The following MTUS2 variants were observed in gnomAD, a reference collection of about 807,000 sequenced individuals.
MTUS2 encodes the protein microtubule associated scaffold protein 2, also known as microtubule-associated tumor suppressor candidate 2.
In MTUS2, 40 loss-of-function variants were observed where a neutral mutation model predicts 114.1. The observed-to-expected ratio is 0.35, with a 90% CI of 0.27 to 0.46. The LOEUF is 0.46. Among genes scored for constraint, MTUS2 ranks in the 20% least tolerant of loss-of-function variants. The probability of loss-of-function intolerance (pLI) is 1.00; values close to 1 mark genes in which losing one functional copy is unlikely to be tolerated. For missense variants in MTUS2, 1,679 were observed against 1,705.4 expected, an observed-to-expected ratio of 0.98 and a Z score of 0.27; for synonymous variants, 688 against 672.0, an observed-to-expected ratio of 1.02 and a Z score of -0.37.
At chr13:29,170,347 G>A (rs188131581) in intron 5 of MTUS2, among the ~76,000 whole-genome samples, 1 of 152,258 alleles carries the variant, frequency 6.6e-6, no homozygotes, top group Admixed American at 6.5e-5. Context: ...ATGAGAACTA[G>A]CAACCTGAAA....
chr13:29,360,757 A>G (rs899557488), intron 8 of MTUS2, among the ~76,000 whole-genome samples: 3 of 134,354 alleles, frequency 2.2e-5, no homozygotes, highest in African/African-American at 7.9e-5. Context: ...CTGACTGGCC[A>G]TGGTCAAGAT....
chr13:28,844,067 A>G (rs563480268), intron 2 of MTUS2, among the ~76,000 whole-genome samples: 3 of 152,360 alleles, frequency 2.0e-5, no homozygotes, highest in Admixed American at 6.5e-5. Context: ...TAATTATTCA[A>G]ATGTTGTATG....
intron 5 of MTUS2, among the ~76,000 whole-genome samples, chr13:29,216,052 G>A (rs928164516): frequency 9.2e-5 from 14 of 152,172 alleles, no homozygotes; most frequent in African/African-American, 2.9e-4. Context: ...TGGGGCTGCC[G>A]CCTTTCTTTC....
intron 15 of MTUS2, 123 bp from the exon 16 acceptor site, chr13:29,502,870 C>A: frequency 2.1e-6 from 2 of 935,060 alleles, no homozygotes; most frequent in Non-Finnish European, 1.7e-6. Flanking sequence ...CACTGGGTCA[C>A]CCTGGTCCCT....
intron 7 of MTUS2, among the ~76,000 whole-genome samples, chr13:29,345,910 G>A (rs1868631594): frequency 6.6e-6 from 1 of 151,916 alleles, no homozygotes; most frequent in Non-Finnish European, 1.5e-5. Context: ...CCGAACTGTA[G>A]TTATTGTTAT....
rs376548356 is a variant in MTUS2, at chr13:29,164,391, C to T, written c.2644+63421C>T. ...TGCATTGGGCTTAGATTTTTGACAG[C>T]GATTTTGGCAGATGTGCGCTACAGT... On this transcript the variant is annotated intron_variant, in intron 5 of 15. Coordinates refer to ENST00000612955, the MANE Select transcript of MTUS2 (RefSeq NM_001033602.4). Among the ~76,000 whole-genome samples, 23 of 152,298 alleles carry T rather than the reference C, an allele frequency of 1.5e-4. No homozygotes were observed. In the East Asian group the frequency reaches 2.7e-3, roughly 18 times the overall value.
At chr13:28,835,316 T>C (rs566975468) in intron 1 of MTUS2, among the ~76,000 whole-genome samples, 2 of 152,348 alleles carry the variant, frequency 1.3e-5, no homozygotes, top group East Asian at 3.9e-4. Flanking sequence ...AGAATATTAT[T>C]CAGCCATAAA....
At chr13:29,452,663 C>T (rs58044581) in intron 9 of MTUS2, among the ~76,000 whole-genome samples, 11,272 of 150,832 alleles carry the variant, frequency 0.075, 512 homozygotes, top group African/African-American at 0.13. Flanking sequence ...AGGCTGGTCT[C>T]GAACTCCTGG....
Position 29,485,515 on chromosome 13 carries a change from T to C in MTUS2, c.3400-2385T>C, listed in dbSNP as rs183414865. Among the ~76,000 whole-genome samples the C allele has an allele frequency of 4.9e-4, 74 of 152,346 alleles. No individual in the cohort carries two copies. The East Asian group carries it at 0.012, about 25-fold the overall frequency. On this transcript the variant is annotated intron_variant, in intron 10 of 15. Coordinates refer to ENST00000612955, the MANE Select transcript of MTUS2 (RefSeq NM_001033602.4). ...CATGGGCTCCCATTAGTTTCCTTCC[T>C]AACATACTGGGCATTTCTCTAATTC...
intron 5 of MTUS2, among the ~76,000 whole-genome samples, chr13:29,270,713 G>T (rs1300585566): frequency 6.6e-6 from 1 of 152,230 alleles, no homozygotes; most frequent in Non-Finnish European, 1.5e-5. Context: ...GGCTGGCCCT[G>T]TGAGCTCTCA....
At chr13:29,179,485 G>C (rs902238537) in intron 5 of MTUS2, among the ~76,000 whole-genome samples, 2 of 152,190 alleles carry the variant, frequency 1.3e-5, no homozygotes, top group African/African-American at 4.8e-5. Flanking sequence ...AATATGGAGA[G>C]ATTCCTCCCT....
chr13:29,184,947 G>A (rs977926452), intron 5 of MTUS2, among the ~76,000 whole-genome samples: 8 of 152,114 alleles, frequency 5.3e-5, no homozygotes, highest in African/African-American at 1.7e-4. Flanking sequence ...GTCCATACTA[G>A]TTGGACATAC....
intron 5 of MTUS2, among the ~76,000 whole-genome samples, chr13:29,186,711 C>A (rs1894239375): frequency 6.6e-6 from 1 of 152,130 alleles, no homozygotes. Context: ...TAATAAAGCA[C>A]CTAGAATGAA....
At chr13:28,942,145 TAACA>T (rs1363957239) in intron 2 of MTUS2, among the ~76,000 whole-genome samples, 1 of 151,994 alleles carries the variant, frequency 6.6e-6, no homozygotes, top group African/African-American at 2.4e-5. Context: ...CTTAAAGCAG[TAACA>T]AACAATTCAA....
chr13:29,505,229 A>G lies in MTUS2; in HGVS notation c.*2023A>G, dbSNP rs1400632952. On this transcript the variant is annotated 3_prime_UTR_variant, in exon 16 of 16. Transcript: ENST00000612955. ...ATTCAGTTACAGCTTAGCTGTCCGAATTAGGAACCGCTTACATAGCCGCAC... is the reference window on the plus strand; with the variant it reads ...ATTCAGTTACAGCTTAGCTGTCCGAGTTAGGAACCGCTTACATAGCCGCAC... The G allele has an allele frequency of 1.3e-5, 3 of 231,860 alleles. No individual in the cohort carries two copies. The highest frequency in any genetic ancestry group is 5.6e-5 in the Admixed American group (1 of 17,718). The allele number at this position is 231,860 out of a possible 1,614,324, so 14.4% of individuals were successfully genotyped here. A position where few individuals can be genotyped will look rare whatever the true frequency, so the allele number is the denominator to read the frequency against.
intron 2 of MTUS2, among the ~76,000 whole-genome samples, chr13:29,014,697 G>A (rs187744386): frequency 5.3e-5 from 8 of 152,322 alleles, no homozygotes; most frequent in East Asian, 3.9e-4. Flanking sequence ...GAGCTGTGTC[G>A]ACAGCAAGGC....
chr13:28,950,558 T>C (rs990747068), intron 2 of MTUS2, among the ~76,000 whole-genome samples: 1 of 152,226 alleles, frequency 6.6e-6, no homozygotes, highest in Non-Finnish European at 1.5e-5. Flanking sequence ...TCTAAGACTT[T>C]AGCCTTACAT....
At chr13:28,876,767 A>C (rs966577176) in intron 2 of MTUS2, among the ~76,000 whole-genome samples, 1 of 152,176 alleles carries the variant, frequency 6.6e-6, no homozygotes, top group Non-Finnish European at 1.5e-5. Context: ...TCAGGGTTTC[A>C]TTAGGAAGGA....
chr13:29,443,206 A>G (rs1365911793), intron 9 of MTUS2, among the ~76,000 whole-genome samples: 2 of 152,200 alleles, frequency 1.3e-5, no homozygotes, highest in Non-Finnish European at 2.9e-5. Context: ...TCTCATAACT[A>G]TCCGGTGTGT....
Sources: gnomAD v4.1 joint callset for allele counts (sites outside exome capture counted in the v4.1 genomes callset) on GRCh38, gnomAD v4.1.1 for gene constraint, MANE v1.5 for transcripts, NCBI Gene and HGNC (gene_info 2026-07-23, HGNC 2026-07-21) for gene names.